PRSS23: variants seen among roughly 807,000 people sequenced by gnomAD.
PRSS23 encodes the protein serine protease 23.
A neutral mutation model predicts 34.7 loss-of-function variants in PRSS23; 25 were observed. The ratio of observed to expected loss-of-function variants is 0.72; its 90% CI spans 0.53 to 1.01. The LOEUF (loss-of-function observed/expected upper bound fraction) is 1.01, where lower values mean the gene tolerates loss of function less well. PRSS23 is among the 50% of genes least tolerant of loss of function. PRSS23 has a pLI of 0.00. For synonymous variants in PRSS23, 176 were observed against 186.6 expected (o/e 0.94, Z 0.46); for missense variants, 445 against 475.6 (o/e 0.94, Z 0.60).
At chr11:86,798,386 G>A (rs892315819), upstream of PRSS23, among the ~76,000 whole-genome samples, 2 of 152,134 alleles carry the variant, frequency 1.3e-5, no homozygotes, top group African/African-American at 4.8e-5. Context: ...CCTAAATAAT[G>A]TATTAGAGTC....
At chr11:86,847,467 G>C (rs1948495472) in intron 2 of PRSS23, among the ~76,000 whole-genome samples, 1 of 152,154 alleles carries the variant, frequency 6.6e-6, no homozygotes, top group South Asian at 2.1e-4. Context: ...GGTTAAATCT[G>C]GTAGATGGAG....
chr11:86,936,909 T>G (rs1389723184), intron 2 of PRSS23: 1 of 151,248 alleles, frequency 6.6e-6, no homozygotes, highest in Non-Finnish European at 1.5e-5. Flanking sequence ...GTTCTGGTCA[T>G]ACCCTTACAC....
chr11:86,905,347 G>A (rs532779115), intron 2 of PRSS23, among the ~76,000 whole-genome samples: 45 of 152,316 alleles, frequency 3.0e-4, no homozygotes, highest in African/African-American at 9.9e-4. Context: ...TAAAGCATGT[G>A]AAAGCCCAGG....
chr11:86,869,526 T>C (rs1228652596), intron 2 of PRSS23, among the ~76,000 whole-genome samples: 1 of 152,144 alleles, frequency 6.6e-6, no homozygotes, highest in African/African-American at 2.4e-5. Context: ...TGGTAAGTAC[T>C]AGAAATGGCA....
At chr11:86,934,292 T>C (rs1949146037) in intron 2 of PRSS23, 1 of 152,266 alleles carries the variant, frequency 6.6e-6, no homozygotes, top group African/African-American at 2.4e-5. Context: ...CGATTCATTC[T>C]GATGATTTGA....
intron 2 of PRSS23, among the ~76,000 whole-genome samples, chr11:86,829,882 G>A (rs1056234517): frequency 3.3e-5 from 5 of 152,166 alleles, no homozygotes; most frequent in Admixed American, 2.0e-4. Context: ...GCCGTGTGAG[G>A]TGTCAGTCTG....
At chr11:86,806,904 C>A (rs1948107798) in intron 1 of PRSS23, among the ~76,000 whole-genome samples, 1 of 152,134 alleles carries the variant, frequency 6.6e-6, no homozygotes, top group Non-Finnish European at 1.5e-5. Flanking sequence ...GACAAAGATC[C>A]TGGTAGTGTA....
intron 2 of PRSS23, among the ~76,000 whole-genome samples, chr11:86,900,745 C>G (rs145796648): frequency 2.2e-4 from 33 of 151,234 alleles, no homozygotes; most frequent in Non-Finnish European, 4.4e-4. Flanking sequence ...TGGCTAGTAC[C>G]CACTCCTTCA....
At chr11:86,796,370 G>A (rs1408186944), upstream of PRSS23, among the ~76,000 whole-genome samples, 2 of 152,090 alleles carry the variant, frequency 1.3e-5, no homozygotes, top group African/African-American at 4.8e-5. Context: ...GGCCGGGCGC[G>A]GTGGCTCACG....
At chr11:86,839,845 C>G (rs1373811635) in intron 2 of PRSS23, among the ~76,000 whole-genome samples, 3 of 146,652 alleles carry the variant, frequency 2.0e-5, no homozygotes, top group Non-Finnish European at 4.5e-5. Context: ...CGTATGCAGC[C>G]AAACTAAGCT....
intron 1 of PRSS23, among the ~76,000 whole-genome samples, chr11:86,806,741 A>G (rs1948105902): frequency 6.6e-6 from 1 of 152,230 alleles, no homozygotes; most frequent in Admixed American, 6.5e-5. Context: ...TTCCATTAAT[A>G]CAAGCATCCA....
intron 2 of PRSS23, among the ~76,000 whole-genome samples, chr11:86,836,258 G>T (rs1223040463): frequency 6.6e-6 from 1 of 152,132 alleles, no homozygotes; most frequent in Non-Finnish European, 1.5e-5. Context: ...CTATTGCACG[G>T]TTTTACTAGG....
chr11:86,857,153 TG>T, intron 2 of PRSS23: 2 of 341,870 alleles, frequency 5.9e-6, no homozygotes, highest in Non-Finnish European at 1.1e-5. Flanking sequence ...GGGTTCAGCA[TG>T]GGGATGACCA....
chr11:86,800,364 G>C (rs1035619833), upstream of PRSS23: 83 of 837,552 alleles, frequency 9.9e-5, no homozygotes, highest in Non-Finnish European at 1.2e-4. Flanking sequence ...CAGGCCCTCT[G>C]GGCTGCTCCA....
At chr11:86,867,512 C>A (rs887901336) in intron 2 of PRSS23, among the ~76,000 whole-genome samples, 1 of 152,216 alleles carries the variant, frequency 6.6e-6, no homozygotes, top group Admixed American at 6.5e-5. Flanking sequence ...AGATGCTTTA[C>A]TCTTCTCCCA....
chr11:86,827,896 G>C (rs1028376344), intron 2 of PRSS23, among the ~76,000 whole-genome samples: 2 of 152,296 alleles, frequency 1.3e-5, no homozygotes, highest in East Asian at 3.9e-4. Context: ...CATTTGCTGA[G>C]GAGAGCTTTA....
chr11:86,798,071 A>C (rs1947992878), upstream of PRSS23, among the ~76,000 whole-genome samples: 1 of 152,208 alleles, frequency 6.6e-6, no homozygotes, highest in African/African-American at 2.4e-5. Flanking sequence ...AGTGACTCTA[A>C]TACAACTTGA....
chr11:86,848,863 A>C (rs1948507981), intron 2 of PRSS23, among the ~76,000 whole-genome samples: 1 of 152,214 alleles, frequency 6.6e-6, no homozygotes, highest in Non-Finnish European at 1.5e-5. Context: ...GGGAACCAAA[A>C]GAGGAGCAGG....
At chr11:86,805,876 C>G (rs1283951394) in intron 1 of PRSS23, among the ~76,000 whole-genome samples, 1 of 152,204 alleles carries the variant, frequency 6.6e-6, no homozygotes, top group Admixed American at 6.5e-5. Flanking sequence ...AATAACAAAA[C>G]AGTTTCTTCC....
Sources: gnomAD v4.1 joint callset for allele counts (sites outside exome capture counted in the v4.1 genomes callset) on GRCh38, gnomAD v4.1.1 for gene constraint, MANE v1.5 for transcripts, NCBI Gene and HGNC (gene_info 2026-07-23, HGNC 2026-07-21) for gene names.